XIRP2: variants seen among roughly 807,000 people sequenced by gnomAD.
The protein encoded by XIRP2 is xin actin-binding repeat-containing protein 2.
A neutral mutation model predicts 277.0 loss-of-function variants in XIRP2; 236 were observed. That is an observed-to-expected ratio of 0.85 (90% CI 0.77 to 0.95). XIRP2 has a LOEUF of 0.95. XIRP2 is among the 40% of genes least tolerant of loss of function. The probability of loss-of-function intolerance (pLI) is 0.00; values close to 1 mark genes in which losing one functional copy is unlikely to be tolerated. For missense variants in XIRP2, 4,640 were observed against 4,157.5 expected (o/e 1.12, Z -3.19); for synonymous variants, 1,490 against 1,416.5 (o/e 1.05, Z -1.17).
At chr2:166,895,789 C>T (rs1056334398) in intron 1 of XIRP2, among the ~76,000 whole-genome samples, 2 of 152,208 alleles carry the variant, frequency 1.3e-5, no homozygotes, top group African/African-American at 4.8e-5. Context: ...AATGTTGCAG[C>T]TTGTTATGTG....
chr2:167,067,489 A>T (rs891969212), intron 2 of XIRP2, among the ~76,000 whole-genome samples: 3 of 152,188 alleles, frequency 2.0e-5, no homozygotes, highest in Non-Finnish European at 2.9e-5. Context: ...TGCAGCTTCA[A>T]TTCAAGACCA....
chr2:167,094,281 T>C (rs1310510579), intron 2 of XIRP2, among the ~76,000 whole-genome samples: 1 of 152,148 alleles, frequency 6.6e-6, no homozygotes, highest in African/African-American at 2.4e-5. Flanking sequence ...TGTTCACTGA[T>C]GATAGTTTCT....
intron 2 of XIRP2, among the ~76,000 whole-genome samples, chr2:166,995,791 C>T (rs1687206893): frequency 1.3e-5 from 2 of 152,106 alleles, no homozygotes; most frequent in Non-Finnish European, 1.5e-5. Flanking sequence ...TAGGAAAATT[C>T]CTTGCCCTTG....
intron 2 of XIRP2, among the ~76,000 whole-genome samples, chr2:167,022,850 A>G: frequency 6.6e-6 from 1 of 152,126 alleles, no homozygotes; most frequent in Non-Finnish European, 1.5e-5. Flanking sequence ...AATACAGTCC[A>G]TCATTGTTGG....
Position 167,250,972 on chromosome 2 carries a change from A to G in XIRP2, c.9580A>G (p.Lys3194Glu), listed in dbSNP as rs1195813744. The stretch of plus-strand genomic sequence containing the variant: ...CAAAGACACCACTGCAAAGTTATCC[A>G]AAGGGGCCATCCCATGTCCAGCAGC... ...RLKDTTAKLS[K>E]GAIPCPAATP... Residue 3194 changes from lysine (K) to glutamate (E), a missense_variant, in exon 9 of 11, where the codon AAA becomes GAA. Coordinates refer to ENST00000409195, the MANE Select transcript of XIRP2 (RefSeq NM_152381.6). 6.2e-7 allele frequency: 1 copy of G among 1,613,658 alleles called. No individual in the cohort carries two copies. Among genetic ancestry groups the G allele is most frequent in the Non-Finnish European group, 8.5e-7 (1 of 1,179,748 alleles).
chr2:167,115,059 C>A (rs1191744125), intron 2 of XIRP2, among the ~76,000 whole-genome samples: 2 of 152,112 alleles, frequency 1.3e-5, no homozygotes, highest in African/African-American at 4.8e-5. Context: ...ACAGTCCCAC[C>A]AACAGTGTAA....
chr2:166,953,020 A>G (rs1292270935), intron 2 of XIRP2, among the ~76,000 whole-genome samples: 2 of 152,036 alleles, frequency 1.3e-5, no homozygotes, highest in Non-Finnish European at 2.9e-5. Flanking sequence ...CAAGAAACTA[A>G]ACATGATTTT....
At chr2:166,908,362 C>T (rs1684588851) in intron 2 of XIRP2, among the ~76,000 whole-genome samples, 1 of 152,106 alleles carries the variant, frequency 6.6e-6, no homozygotes, top group Non-Finnish European at 1.5e-5. Context: ...TCTCTGATGG[C>T]CAGTGATGAT....
At chr2:166,920,831 G>GT (rs1274988965) in intron 2 of XIRP2, among the ~76,000 whole-genome samples, 28 of 152,034 alleles carry the variant, frequency 1.8e-4, no homozygotes, top group Admixed American at 1.8e-3. Context: ...TGGGTGAACT[G>GT]TTTTTGTCTT....
chr2:167,057,523 T>C (rs1345904175), intron 2 of XIRP2, among the ~76,000 whole-genome samples: 1 of 152,172 alleles, frequency 6.6e-6, no homozygotes, highest in East Asian at 1.9e-4. Flanking sequence ...TAGCAAGCAT[T>C]CGATAAACAG....
Position 167,218,047 on chromosome 2 carries a change from T to C in XIRP2, c.724-119T>C, listed in dbSNP as rs934977484. On this transcript the variant is annotated intron_variant, in intron 4 of 10. Coordinates refer to ENST00000409195, the MANE Select transcript of XIRP2 (RefSeq NM_152381.6). ...AAAGACATACTGAAATAATGGTGTA[T>C]GTGAATATCTTTTTAAGATACTGTC... The C allele has an allele frequency of 7.6e-6, 6 of 784,796 alleles. No homozygotes were observed. In the Admixed American group the frequency reaches 1.1e-4, roughly 15 times the overall value. The allele number at this position is 784,796 out of a possible 1,614,324, so 48.6% of individuals were successfully genotyped here.
At chr2:166,914,151 A>C (rs1481465437) in intron 2 of XIRP2, among the ~76,000 whole-genome samples, 1 of 152,202 alleles carries the variant, frequency 6.6e-6, no homozygotes, top group Non-Finnish European at 1.5e-5. Context: ...AGGAGTTATG[A>C]TGAAAGAAGC....
At chr2:167,002,309 A>G (rs1194454462) in intron 2 of XIRP2, among the ~76,000 whole-genome samples, 1 of 152,090 alleles carries the variant, frequency 6.6e-6, no homozygotes, top group African/African-American at 2.4e-5. Context: ...TTACAAATTC[A>G]TCATGTAGGC....
At position 167,127,684 on chromosome 2, in the gene XIRP2, G is replaced by A. The variant is rs1041347980; in HGVS notation, c.409-8225G>A. ...TCAGATATCTCGCCGCCTGCTGGAC[G>A]TATTCACCTGGATGTCTTCAGGGGA... On this transcript the variant is annotated intron_variant, in intron 2 of 10. Transcript: ENST00000409195. 5.9e-5 allele frequency among the ~76,000 whole-genome samples: 9 copies of A among 152,278 alleles called. 1 individual carries two copies. In the South Asian group the frequency reaches 1.0e-3, roughly 18 times the overall value.
chr2:167,013,545 C>A (rs907245008), intron 2 of XIRP2, among the ~76,000 whole-genome samples: 4 of 150,966 alleles, frequency 2.6e-5, no homozygotes, highest in African/African-American at 9.7e-5. Context: ...AAAGTGTATG[C>A]TAAATGCATG....
chr2:167,011,530 G>T (rs1475377259), intron 2 of XIRP2, among the ~76,000 whole-genome samples: 27 of 151,762 alleles, frequency 1.8e-4, no homozygotes, highest in Admixed American at 1.1e-3. Flanking sequence ...GGTCTAAAAT[G>T]CTCTGTTTTG....
Position 167,245,330 on chromosome 2 carries a change from G to A in XIRP2, c.3938G>A (p.Arg1313Lys). ...ATACAGGGTGATGTAAAAAGCTACAGAATGCTCTTTGAAACCCAGCCACTC... is the reference window on the plus strand; with the variant it reads ...ATACAGGGTGATGTAAAAAGCTACAAAATGCTCTTTGAAACCCAGCCACTC... ...EVIQGDVKSY[R>K]MLFETQPLYA... Residue 1313 changes from arginine to lysine, a missense_variant, in exon 9 of 11, where the codon AGA becomes AAA. Coordinates refer to ENST00000409195, the MANE Select transcript of XIRP2 (RefSeq NM_152381.6). 1 of 1,613,668 alleles carries A rather than the reference G, an allele frequency of 6.2e-7. No homozygotes were observed.
intron 2 of XIRP2, among the ~76,000 whole-genome samples, chr2:166,927,789 A>T (rs960703218): frequency 6.6e-6 from 1 of 151,964 alleles, no homozygotes; most frequent in African/African-American, 2.4e-5. Flanking sequence ...CTTGGTGGGG[A>T]TGTGTGTGTG....
At chr2:167,149,775 C>A (rs1459863552) in intron 3 of XIRP2, among the ~76,000 whole-genome samples, 1 of 151,780 alleles carries the variant, frequency 6.6e-6, no homozygotes, top group African/African-American at 2.4e-5. Context: ...GATTCAATAT[C>A]ATAAAAATAT....
Sources: gnomAD v4.1 joint callset for allele counts (sites outside exome capture counted in the v4.1 genomes callset) on GRCh38, gnomAD v4.1.1 for gene constraint, MANE v1.5 for transcripts, NCBI Gene and HGNC (gene_info 2026-07-23, HGNC 2026-07-21) for gene names.